The following MALRD1 variants were observed in gnomAD, a reference collection of about 807,000 sequenced individuals.
The protein encoded by MALRD1 is MAM and LDL-receptor class A domain-containing protein 1.
A neutral mutation model predicts 242.1 loss-of-function variants in MALRD1; 247 were observed. That is an observed-to-expected ratio of 1.02 (90% CI 0.92 to 1.13). The LOEUF is 1.13. MALRD1 is among the 50% of genes most tolerant of loss of function. The probability of loss-of-function intolerance (pLI) is 0.00; values close to 1 mark genes in which losing one functional copy is unlikely to be tolerated. For missense variants in MALRD1, 2,989 were observed against 2,533.1 expected (o/e 1.18, Z -3.86); for synonymous variants, 995 against 866.6 (o/e 1.15, Z -2.60).
At chr10:19,681,762 A>AT (rs1842381536) in intron 36 of MALRD1, among the ~76,000 whole-genome samples, 1 of 150,182 alleles carries the variant, frequency 6.7e-6, no homozygotes, top group African/African-American at 2.5e-5. Flanking sequence ...AGTTTTCTGC[A>AT]TTTTTTCGTT....
intron 18 of MALRD1, among the ~76,000 whole-genome samples, chr10:19,217,025 T>C (rs1164762413): frequency 1.3e-5 from 2 of 152,124 alleles, no homozygotes. Context: ...ATATACACGT[T>C]CTTTCTTCTA....
intron 24 of MALRD1, among the ~76,000 whole-genome samples, chr10:19,340,198 A>G (rs1344577049): frequency 6.6e-6 from 1 of 152,196 alleles, no homozygotes; most frequent in African/African-American, 2.4e-5. Flanking sequence ...TGATACAGAC[A>G]TGCCTTGAGA....
intron 21 of MALRD1, among the ~76,000 whole-genome samples, chr10:19,315,091 T>C (rs1442955380): frequency 7.1e-6 from 1 of 140,734 alleles, no homozygotes; most frequent in Non-Finnish European, 1.5e-5. Context: ...TATAGAAATA[T>C]GTAAATATAA....
intron 4 of MALRD1, among the ~76,000 whole-genome samples, chr10:19,095,163 A>T (rs1835978767): frequency 6.6e-6 from 1 of 152,218 alleles, no homozygotes; most frequent in Admixed American, 6.5e-5. Context: ...ATTCAATTTT[A>T]CGTTCGATTC....
At chr10:19,110,352 A>G (rs912331104) in intron 5 of MALRD1, among the ~76,000 whole-genome samples, 1 of 152,228 alleles carries the variant, frequency 6.6e-6, no homozygotes, top group Non-Finnish European at 1.5e-5. Context: ...ACACTGGAAC[A>G]TGTAAAGTTC....
At position 19,093,970 on chromosome 10, in the gene MALRD1, C is replaced by A. The variant is rs1835919746; in HGVS notation, c.597+5785C>A. 5.8e-5 allele frequency among the ~76,000 whole-genome samples: 6 copies of A among 103,948 alleles called. 2 individuals carry two copies. In the South Asian group the frequency reaches 1.9e-3, roughly 32 times the overall value. 68.2% of individuals were successfully genotyped at this position (103,948 alleles called of 152,430 possible). A position where few individuals can be genotyped will look rare whatever the true frequency, so the allele number is the denominator to read the frequency against. ...CCGTTCTCAGATCTCCAGCTGTGTG[C>A]TGGGAGAACCACTGCTGTCTTCAAA... On this transcript the variant is annotated intron_variant, in intron 4 of 39. Coordinates refer to ENST00000454679, the MANE Select transcript of MALRD1 (RefSeq NM_001142308.3).
intron 19 of MALRD1, 28 bp from the exon 20 acceptor site, chr10:19,280,019 T>C (rs908888861): frequency 7.0e-7 from 1 of 1,436,676 alleles, no homozygotes; most frequent in Non-Finnish European, 9.1e-7. Flanking sequence ...ACCTGCTAAA[T>C]GATGCCTGTA....
intron 32 of MALRD1, among the ~76,000 whole-genome samples, chr10:19,547,811 T>TATATATATATATATATAG (rs1835293949): frequency 6.2e-5 from 1 of 16,112 alleles, no homozygotes; most frequent in Non-Finnish European, 1.4e-4. Context: ...TATATATATA[T>TATATATATATATATATAG]ATATATATTT....
intron 26 of MALRD1, among the ~76,000 whole-genome samples, chr10:19,357,300 A>C (rs1412479272): frequency 6.6e-6 from 1 of 152,086 alleles, no homozygotes; most frequent in Non-Finnish European, 1.5e-5. Flanking sequence ...CTTAGGTTCT[A>C]AGATTCTTAA....
chr10:19,462,300 C>T (rs10159624), intron 29 of MALRD1, among the ~76,000 whole-genome samples: 123,702 of 151,858 alleles, frequency 0.81, 50,574 homozygotes, highest in East Asian at 1. Context: ...CCTAATCATC[C>T]TAGGTTTAAT....
intron 10 of MALRD1, among the ~76,000 whole-genome samples, chr10:19,139,542 G>A (rs1833468663): frequency 6.6e-6 from 1 of 152,144 alleles, no homozygotes; most frequent in African/African-American, 2.4e-5. Flanking sequence ...GAGTAAATAT[G>A]AACTCGTGAG....
rs945407150 is a variant in MALRD1 at position 19,531,342 on chromosome 10, A to G, written c.5469A>G (p.Gly1823=). Residue 1823 remains glycine (G), a synonymous_variant, in exon 32 of 40, where the codon GGA becomes GGG. Transcript: ENST00000454679. ...ACATGATTGATCCCAGGAGTATGGG[A>G]ATATTAAAGGTACAAAAGGAAGCCA... is the stretch of plus-strand genomic sequence containing the variant. ...WFYMIDPRSM[G]ILKVYTIEES... 1.8e-5 allele frequency: 27 copies of G among 1,539,496 alleles called. No homozygotes were observed. The Admixed American group carries it at 5.2e-4, about 29-fold the overall frequency.
chr10:19,187,104 G>A (rs1183973423), intron 14 of MALRD1, among the ~76,000 whole-genome samples: 1 of 152,160 alleles, frequency 6.6e-6, no homozygotes, highest in Non-Finnish European at 1.5e-5. Context: ...ATACTCACAT[G>A]CTTACTTTTA....
intron 38 of MALRD1, 149 bp from the exon 39 acceptor site, chr10:19,730,553 AAAAC>A (rs1214699992): frequency 1.2e-6 from 1 of 858,516 alleles, no homozygotes; most frequent in Non-Finnish European, 1.9e-6. Flanking sequence ...TAAAAAATAA[AAAAC>A]AAACTTTACT....
intron 2 of MALRD1, among the ~76,000 whole-genome samples, chr10:19,072,099 C>T (rs1232250284): frequency 2.6e-5 from 4 of 152,138 alleles, no homozygotes; most frequent in South Asian, 2.1e-4. Context: ...CTTATCTGCA[C>T]GTACACATTT....
At chr10:19,631,243 A>T (rs7918865) in intron 36 of MALRD1, among the ~76,000 whole-genome samples, 21,119 of 152,066 alleles carry the variant, frequency 0.14, 2,521 homozygotes, top group African/African-American at 0.32. Flanking sequence ...GAACAGGTGG[A>T]ATGTAGTTTT....
chr10:19,558,066 T>TA (rs1431197251), intron 32 of MALRD1, among the ~76,000 whole-genome samples: 2 of 152,108 alleles, frequency 1.3e-5, no homozygotes, highest in Non-Finnish European at 1.5e-5. Context: ...TCCTGCTATA[T>TA]AAAAAATAAC....
At position 19,707,507 on chromosome 10, in the gene MALRD1, A is replaced by C. The variant is rs570463940; in HGVS notation, c.6314+14953A>C. Among the ~76,000 whole-genome samples the C allele has an allele frequency of 8.5e-5, 13 of 152,324 alleles. No individual in the cohort carries two copies. In the South Asian group the frequency reaches 2.7e-3, roughly 32 times the overall value. Reference sequence around the variant, plus strand: ...GCAGAGTGTGAGAATAGATTTTAAAAGATTGAGAAAGAGATTTTCAGTCTA... The same window carrying C: ...GCAGAGTGTGAGAATAGATTTTAAACGATTGAGAAAGAGATTTTCAGTCTA... On this transcript the variant is annotated intron_variant, in intron 38 of 39. Coordinates refer to ENST00000454679, the MANE Select transcript of MALRD1 (RefSeq NM_001142308.3).
intron 36 of MALRD1, among the ~76,000 whole-genome samples, chr10:19,631,533 T>A (rs1257921868): frequency 6.6e-6 from 1 of 152,188 alleles, no homozygotes; most frequent in Non-Finnish European, 1.5e-5. Context: ...CTGGATCCAA[T>A]GGTAGCTCTG....
Sources: gnomAD v4.1 joint callset for allele counts (sites outside exome capture counted in the v4.1 genomes callset) on GRCh38, gnomAD v4.1.1 for gene constraint, MANE v1.5 for transcripts, NCBI Gene and HGNC (gene_info 2026-07-23, HGNC 2026-07-21) for gene names.